The following VPS13B variants were observed in gnomAD, a reference collection of about 807,000 sequenced individuals.
The protein encoded by VPS13B is vacuolar protein sorting 13 homolog B, also known as intermembrane lipid transfer protein VPS13B.
VPS13B carries 285 observed loss-of-function variants against 426.4 expected under a neutral mutation model. The observed-to-expected ratio is 0.67, with a 90% CI of 0.61 to 0.74. VPS13B has a LOEUF of 0.74. VPS13B is among the 30% of genes least tolerant of loss of function. The probability of loss-of-function intolerance (pLI) is 0.00; values close to 1 mark genes in which losing one functional copy is unlikely to be tolerated. For synonymous variants in VPS13B, 1,676 were observed against 1,676.4 expected, an observed-to-expected ratio of 1.00 and a Z score of 0.01; for missense variants, 4,537 against 4,782.6, an observed-to-expected ratio of 0.95 and a Z score of 1.51.
chr8:99,313,266 T>A (rs1821115177), intron 19 of VPS13B, among the ~76,000 whole-genome samples: 1 of 152,140 alleles, frequency 6.6e-6, no homozygotes, highest in Non-Finnish European at 1.5e-5. Context: ...ATTTTCAGCT[T>A]TTCTGGTCTG....
intron 21 of VPS13B, among the ~76,000 whole-genome samples, chr8:99,414,914 G>T (rs1294203867): frequency 6.6e-6 from 1 of 152,054 alleles, no homozygotes; most frequent in Non-Finnish European, 1.5e-5. Flanking sequence ...GAGTATCTTT[G>T]TGATGTTCTC....
In VPS13B at chr8:99,817,485, T is replaced by C. The variant is rs1011758737; in HGVS notation, c.8098-55T>C. The C allele has an allele frequency of 2.3e-5, 37 of 1,595,262 alleles. No individual in the cohort carries two copies. In the African/African-American group the frequency reaches 4.6e-4, roughly 20 times the overall value. On this transcript the variant is annotated intron_variant, in intron 44 of 61. Coordinates refer to ENST00000357162, the MANE Select transcript of VPS13B (RefSeq NM_152564.5). ...TTACTCTGTTTGAATGATAACATAT[T>C]TCCAGTTAATGAAGTCTGAATTGAT...
chr8:99,484,283 G>C (rs1820187786), intron 25 of VPS13B, among the ~76,000 whole-genome samples: 1 of 151,852 alleles, frequency 6.6e-6, no homozygotes, highest in Non-Finnish European at 1.5e-5. Flanking sequence ...TTTCTGATTG[G>C]GTTATAAAGA....
intron 33 of VPS13B, among the ~76,000 whole-genome samples, chr8:99,638,655 T>C (rs1411954889): frequency 6.6e-6 from 1 of 152,156 alleles, no homozygotes; most frequent in Non-Finnish European, 1.5e-5. Flanking sequence ...TAGGTATTAA[T>C]GTCCCAATGT....
chr8:99,338,813 T>C (rs1171306841), intron 19 of VPS13B, among the ~76,000 whole-genome samples: 1 of 152,176 alleles, frequency 6.6e-6, no homozygotes, highest in East Asian at 1.9e-4. Flanking sequence ...AAAATTTTAG[T>C]ATCTTTGATT....
intron 19 of VPS13B, among the ~76,000 whole-genome samples, chr8:99,367,902 C>T (rs1188534646): frequency 1.3e-5 from 2 of 152,146 alleles, no homozygotes; most frequent in African/African-American, 4.8e-5. Context: ...GATACACCCA[C>T]CTTGGCCTCC....
At chr8:99,090,263 T>C (rs1846066863) in intron 3 of VPS13B, among the ~76,000 whole-genome samples, 1 of 150,256 alleles carries the variant, frequency 6.7e-6, no homozygotes, top group African/African-American at 2.5e-5. Context: ...TGTATAATCA[T>C]AAACTTTTTT....
intron 17 of VPS13B, among the ~76,000 whole-genome samples, chr8:99,221,350 T>TA (rs1481751928): frequency 6.6e-6 from 1 of 152,064 alleles, no homozygotes; most frequent in Admixed American, 6.6e-5. Context: ...TCTAGATCCC[T>TA]GAGGAATCGC....
At chr8:99,042,679 G>A (rs1023957924) in intron 3 of VPS13B, among the ~76,000 whole-genome samples, 7 of 152,008 alleles carry the variant, frequency 4.6e-5, no homozygotes, top group South Asian at 2.1e-4. Context: ...TTGATACTGC[G>A]TCTTGCTGTG....
intron 43 of VPS13B, among the ~76,000 whole-genome samples, chr8:99,800,618 A>AT (rs901945092): frequency 9.9e-5 from 15 of 151,268 alleles, no homozygotes; most frequent in Non-Finnish European, 1.8e-4. Flanking sequence ...CTTAGATTTA[A>AT]TTTTTTTTTA....
At position 99,601,917 on chromosome 8, in the gene VPS13B, T is replaced by C. The variant is rs11985655; in HGVS notation, c.5220+24284T>C. ...ATTAGCACTTTGTCAGATGGGTAGA[T>C]TGCAAGAAATTTCTTCTATTCTGTA... On this transcript the variant is annotated intron_variant, in intron 33 of 61. Coordinates refer to ENST00000357162, the MANE Select transcript of VPS13B (RefSeq NM_152564.5). Among the ~76,000 whole-genome samples, 695 of 152,354 alleles carry C rather than the reference T, an allele frequency of 4.6e-3. 6 individuals are homozygous for C. Among genetic ancestry groups the C allele is most frequent in the African/African-American group, 0.013 (530 of 41,580 alleles).
chr8:99,022,132 A>T, intron 2 of VPS13B, among the ~76,000 whole-genome samples: 1 of 150,352 alleles, frequency 6.7e-6, no homozygotes. Context: ...TTTTGTTCTT[A>T]TTTTTATAAT....
chr8:99,311,420 G>A (rs920369600), intron 19 of VPS13B, among the ~76,000 whole-genome samples: 8 of 151,996 alleles, frequency 5.3e-5, no homozygotes, highest in Admixed American at 4.6e-4. Context: ...CCTTCATTTC[G>A]TTATATACCC....
intron 3 of VPS13B, chr8:99,094,106 GTTTA>G (rs1178212713): frequency 6.6e-6 from 1 of 152,148 alleles, no homozygotes; most frequent in African/African-American, 2.4e-5. Context: ...TGGCTGGAAT[GTTTA>G]TTATGACATC....
At chr8:99,318,725 G>GATGGCCAGGCTGGTCTTA (rs1809813885) in intron 19 of VPS13B, among the ~76,000 whole-genome samples, 2 of 152,036 alleles carry the variant, frequency 1.3e-5, no homozygotes, top group East Asian at 3.9e-4. Flanking sequence ...GTTTCACCAT[G>GATGGCCAGGCTGGTCTTA]ATGGCCAGGC....
In VPS13B at chr8:99,562,943, C is replaced by T. The variant is rs1396323802; in HGVS notation, c.4949+6290C>T. Among the ~76,000 whole-genome samples, 4 of 152,154 alleles carry T rather than the reference C, an allele frequency of 2.6e-5. No individual in the cohort carries two copies. The South Asian group carries it at 6.2e-4, about 24-fold the overall frequency. On this transcript the variant is annotated intron_variant, in intron 31 of 61. Coordinates refer to ENST00000357162, the MANE Select transcript of VPS13B (RefSeq NM_152564.5). The stretch of plus-strand genomic sequence containing the variant: ...GCCAAAGCGGGAGGATCGCTTGAAG[C>T]CAGGAGTTTAAGATCAGCCTAGGCA...
At chr8:99,862,011 G>T in intron 58 of VPS13B, 65 bp downstream of exon 58, 8 of 1,507,416 alleles carry the variant, frequency 5.3e-6, no homozygotes, top group Non-Finnish European at 7.1e-6. Context: ...GGTCTCCCAG[G>T]ACTGGGCAAC....
chr8:99,577,954 C>T (rs760592662), intron 33 of VPS13B, among the ~76,000 whole-genome samples: 7 of 152,066 alleles, frequency 4.6e-5, no homozygotes, highest in South Asian at 2.1e-4. Flanking sequence ...TTCATTTACT[C>T]GGATACATTA....
At chr8:99,028,767 G>A (rs1357320137) in intron 2 of VPS13B, among the ~76,000 whole-genome samples, 1 of 130,470 alleles carries the variant, frequency 7.7e-6, no homozygotes, top group African/African-American at 2.9e-5. Flanking sequence ...CGGGCAGAGG[G>A]GCTCCTCACT....
Sources: allele counts gnomAD v4.1 joint callset (sites outside exome capture counted in the v4.1 genomes callset), GRCh38; gene constraint gnomAD v4.1.1; transcripts MANE v1.5; gene names NCBI Gene and HGNC (gene_info 2026-07-23, HGNC 2026-07-21).